The following COG5 variants were observed in gnomAD, a reference collection of about 807,000 sequenced individuals.
COG5 encodes conserved oligomeric Golgi complex subunit 5.
A neutral mutation model predicts 110.4 loss-of-function variants in COG5; 86 were observed. The ratio of observed to expected loss-of-function variants is 0.78; its 90% CI spans 0.65 to 0.93. COG5 has a LOEUF of 0.93. Among genes scored for constraint, COG5 ranks in the 40% least tolerant of loss-of-function variants. The pLI is 0.00. For missense variants in COG5, 1,077 were observed against 987.0 expected (o/e 1.09, Z -1.22); for synonymous variants, 360 against 334.6 (o/e 1.08, Z -0.83).
intron 2 of COG5, among the ~76,000 whole-genome samples, chr7:107,555,700 A>G (rs1316931204): frequency 6.6e-6 from 1 of 152,174 alleles, no homozygotes; most frequent in East Asian, 1.9e-4. Context: ...TTTTTCCAAG[A>G]GTTGTGGAAG....
chr7:107,421,303 A>G (rs900640748), intron 6 of COG5, among the ~76,000 whole-genome samples: 5 of 152,180 alleles, frequency 3.3e-5, no homozygotes, highest in African/African-American at 7.2e-5. Context: ...TAGATGCCCT[A>G]GGTAAAATCA....
intron 5 of COG5, among the ~76,000 whole-genome samples, chr7:107,534,508 G>C (rs2129163163): frequency 6.6e-6 from 1 of 150,876 alleles, no homozygotes; most frequent in African/African-American, 2.5e-5. Flanking sequence ...AAAAAAAGTG[G>C]GGGTTGCAAT....
At chr7:107,415,946 ATGTATG>A (rs1265358449) in intron 6 of COG5, among the ~76,000 whole-genome samples, 2 of 116,568 alleles carry the variant, frequency 1.7e-5, no homozygotes, top group Admixed American at 8.0e-5. Flanking sequence ...ACACGTATGT[ATGTATG>A]TGTGTGTATA....
In COG5 at chr7:107,211,306, G is replaced by C. The variant is rs1238295840; in HGVS notation, c.2169-81C>G. On this transcript the variant is annotated intron_variant, in intron 19 of 21. Coordinates refer to ENST00000297135, the MANE Select transcript of COG5 (RefSeq NM_006348.5). ...TGGTGGGAGAATCATTCTCCTTGTAGAATAGCATTTTTCCTAGATTGGCTA... is the reference window on the plus strand; with the variant it reads ...TGGTGGGAGAATCATTCTCCTTGTACAATAGCATTTTTCCTAGATTGGCTA... 2.0e-6 allele frequency: 3 copies of C among 1,510,652 alleles called. No individual in the cohort carries two copies. In the East Asian group the frequency reaches 6.9e-5, roughly 35 times the overall value. 93.6% of individuals were successfully genotyped at this position (1,510,652 alleles called of 1,614,324 possible).
intron 17 of COG5, among the ~76,000 whole-genome samples, chr7:107,237,134 T>C (rs1801255930): frequency 6.6e-6 from 1 of 152,188 alleles, no homozygotes; most frequent in South Asian, 2.1e-4. Flanking sequence ...CCTATACAAA[T>C]TCTTGGCAAA....
intron 7 of COG5, among the ~76,000 whole-genome samples, chr7:107,398,447 G>A (rs895204841): frequency 2.6e-5 from 4 of 152,170 alleles, no homozygotes; most frequent in Admixed American, 2.6e-4. Flanking sequence ...AGCAGCGTTC[G>A]ATTCTCATAG....
intron 14 of COG5, among the ~76,000 whole-genome samples, chr7:107,264,720 C>T (rs1803660315): frequency 6.6e-6 from 1 of 151,812 alleles, no homozygotes. Flanking sequence ...CAAAAACGAA[C>T]CCCAGAAAAT....
At chr7:107,358,963 A>C (rs550145147) in intron 10 of COG5, among the ~76,000 whole-genome samples, 1 of 152,168 alleles carries the variant, frequency 6.6e-6, no homozygotes, top group Non-Finnish European at 1.5e-5. Context: ...GTCACAAATC[A>C]TAGCCATGAG....
At chr7:107,476,595 T>C (rs2129115721) in intron 6 of COG5, among the ~76,000 whole-genome samples, 1 of 151,768 alleles carries the variant, frequency 6.6e-6, no homozygotes, top group African/African-American at 2.4e-5. Flanking sequence ...ATTACAAGAA[T>C]TGGGAACCTC....
intron 6 of COG5, among the ~76,000 whole-genome samples, chr7:107,478,122 C>T (rs1231781086): frequency 1.3e-5 from 2 of 151,780 alleles, no homozygotes; most frequent in African/African-American, 4.8e-5. Context: ...CTTAGTAGCC[C>T]TTAGTAGGGC....
chr7:107,236,503 T>A lies in COG5; in HGVS notation c.2038A>T (p.Ile680Leu), dbSNP rs777624204. ...VELFIRHASLIRPLGEGGKMR... is the reference protein window; with the variant it reads ...VELFIRHASLLRPLGEGGKMR... ...TTCCCACCTTCACCAAGAGGTCTTA[T>A]GAGACTGGCATGGCGGATAAAAAGT... Residue 680 changes from isoleucine to leucine, a missense_variant, in exon 18 of 22, where the codon ATA becomes TTA. Ile to Leu is a conservative substitution (Grantham distance 5, BLOSUM62 2). Coordinates refer to ENST00000297135, the MANE Select transcript of COG5 (RefSeq NM_006348.5). 1.2e-6 allele frequency: 2 copies of A among 1,613,530 alleles called. No homozygotes were observed. The highest frequency in any genetic ancestry group is 2.7e-5 in the African/African-American group (2 of 74,928).
intron 14 of COG5, among the ~76,000 whole-genome samples, chr7:107,278,216 A>T (rs1357404319): frequency 6.6e-6 from 1 of 151,980 alleles, no homozygotes; most frequent in East Asian, 1.9e-4. Flanking sequence ...GCATTCTATT[A>T]ATGATCTGAT....
At chr7:107,257,640 G>A (rs1452412386) in intron 15 of COG5, among the ~76,000 whole-genome samples, 2 of 152,052 alleles carry the variant, frequency 1.3e-5, no homozygotes, top group African/African-American at 4.8e-5. Context: ...TTAAGCACAA[G>A]CTACTCCAGA....
intron 7 of COG5, among the ~76,000 whole-genome samples, chr7:107,387,730 C>A (rs371419939): frequency 5.9e-5 from 9 of 152,208 alleles, no homozygotes; most frequent in Non-Finnish European, 8.8e-5. Context: ...CTCAATCACT[C>A]GATCTGGGTT....
At chr7:107,561,826 A>G (rs1027866044) in intron 1 of COG5, among the ~76,000 whole-genome samples, 1 of 152,176 alleles carries the variant, frequency 6.6e-6, no homozygotes, top group Admixed American at 6.5e-5. Context: ...AATACAAAAA[A>G]TTAGCTAGGC....
chr7:107,512,471 C>G (rs1452741006), intron 6 of COG5, among the ~76,000 whole-genome samples: 1 of 152,020 alleles, frequency 6.6e-6, no homozygotes, highest in Non-Finnish European at 1.5e-5. Flanking sequence ...GCCATACTGC[C>G]CAAGGTAATT....
At chr7:107,341,980 T>G (rs367630021) in intron 10 of COG5, among the ~76,000 whole-genome samples, 1 of 152,168 alleles carries the variant, frequency 6.6e-6, no homozygotes, top group East Asian at 1.9e-4. Flanking sequence ...GGAAAAAATT[T>G]ATGACAAAGT....
intron 14 of COG5, 80 bp from the exon 15 acceptor site, chr7:107,258,463 TACAC>T: frequency 2.6e-5 from 16 of 608,412 alleles, no homozygotes; most frequent in Non-Finnish European, 3.6e-5. Flanking sequence ...CACACACACA[TACAC>T]ACACACACAC....
intron 10 of COG5, among the ~76,000 whole-genome samples, chr7:107,357,091 G>A (rs1367464730): frequency 2.0e-5 from 3 of 152,050 alleles, no homozygotes; most frequent in Non-Finnish European, 2.9e-5. Flanking sequence ...TAAAAATCCT[G>A]AACTTTTTAT....
Sources: allele counts gnomAD v4.1 joint callset (sites outside exome capture counted in the v4.1 genomes callset), GRCh38; gene constraint gnomAD v4.1.1; transcripts MANE v1.5; gene names NCBI Gene and HGNC (gene_info 2026-07-23, HGNC 2026-07-21).